TSEN15: variants seen among roughly 807,000 people sequenced by gnomAD.
TSEN15 encodes tRNA splicing endonuclease subunit 15, also known as tRNA-splicing endonuclease subunit Sen15.
In TSEN15, 10 loss-of-function variants were observed where a neutral mutation model predicts 20.5. The observed-to-expected ratio is 0.49, with a 90% CI of 0.30 to 0.83. The LOEUF is 0.83. Ranked by LOEUF, TSEN15 falls within the 40% of genes least tolerant of loss-of-function variation. The probability of loss-of-function intolerance (pLI) is 0.06; values close to 1 mark genes in which losing one functional copy is unlikely to be tolerated. For missense variants in TSEN15, 180 were observed against 218.6 expected (o/e 0.82, Z 1.11); for synonymous variants, 72 against 80.1 (o/e 0.90, Z 0.54).
chr1:184,090,889 T>C (rs1158068782), intron 3 of TSEN15, among the ~76,000 whole-genome samples: 1 of 152,158 alleles, frequency 6.6e-6, no homozygotes, highest in East Asian at 1.9e-4. Flanking sequence ...CTTGCTTTTC[T>C]TTTCTTGACC....
chr1:184,090,126 ATAC>A (rs1387798763), intron 3 of TSEN15, among the ~76,000 whole-genome samples: 1 of 152,240 alleles, frequency 6.6e-6, no homozygotes, highest in Non-Finnish European at 1.5e-5. Context: ...TTACAATGGG[ATAC>A]TACTCAGCAA....
chr1:184,064,541 A>G (rs555335228), intron 3 of TSEN15, among the ~76,000 whole-genome samples: 1 of 152,176 alleles, frequency 6.6e-6, no homozygotes, highest in Non-Finnish European at 1.5e-5. Context: ...TAGAAAAAAT[A>G]TGAAAAAACA....
intron 1 of TSEN15, among the ~76,000 whole-genome samples, 187 bp downstream of exon 1, chr1:184,052,077 A>G (rs1306735330): frequency 1.3e-5 from 2 of 152,182 alleles, no homozygotes; most frequent in African/African-American, 2.4e-5. Context: ...AACAAGTTGC[A>G]CTATCTCAAT....
chr1:184,066,257 CT>C lies in TSEN15; in HGVS notation c.354-5889del, dbSNP rs564595361. On this transcript the variant is annotated intron_variant, in intron 3 of 4. Coordinates refer to ENST00000645668, the MANE Select transcript of TSEN15 (RefSeq NM_052965.4). Reference sequence around the variant, plus strand: ...GATGTTTATTTCTTCATCAAATTGCCTTTTTTTTTTTGGTCAAAGATCAATT... The same window carrying C: ...GATGTTTATTTCTTCATCAAATTGCCTTTTTTTTTTGGTCAAAGATCAATT... Among the ~76,000 whole-genome samples the C allele has an allele frequency of 4.7e-3, 667 of 140,764 alleles. 3 individuals are homozygous for C. The highest frequency in any genetic ancestry group is 8.4e-3 in the African/African-American group (325 of 38,780). The allele number at this position is 140,764 out of a possible 152,430, so 92.3% of individuals were successfully genotyped here. A position where few individuals can be genotyped will look rare whatever the true frequency, so the allele number is the denominator to read the frequency against.
At chr1:184,076,928 A>G (rs1455960887), downstream of TSEN15, among the ~76,000 whole-genome samples, 3 of 152,218 alleles carry the variant, frequency 2.0e-5, no homozygotes, top group Non-Finnish European at 4.4e-5. Context: ...TAAGGAAAGA[A>G]GCTGTCTTCA....
At chr1:184,065,051 T>C (rs1055958172) in intron 3 of TSEN15, among the ~76,000 whole-genome samples, 12 of 152,308 alleles carry the variant, frequency 7.9e-5, no homozygotes, top group African/African-American at 2.6e-4. Flanking sequence ...GCATCTCAAA[T>C]TAGCATGTCC....
rs776056316 is a variant in TSEN15, at chr1:184,073,215, C to G, written c.*368C>G. ...CAGCTCATTGTTGAGACTGCCATTTCTTTCTCTTACTCAGCTCTCCCCAGT... is the reference window on the plus strand; with the variant it reads ...CAGCTCATTGTTGAGACTGCCATTTGTTTCTCTTACTCAGCTCTCCCCAGT... On this transcript the variant is annotated 3_prime_UTR_variant, in exon 5 of 5. Transcript: ENST00000645668. The G allele has an allele frequency of 5.2e-6, 1 of 193,320 alleles. No homozygotes were observed. The highest frequency in any genetic ancestry group is 1.4e-4 in the East Asian group (1 of 7,364). 12.0% of individuals were successfully genotyped at this position (193,320 alleles called of 1,614,324 possible). A position where few individuals can be genotyped will look rare whatever the true frequency, so the allele number is the denominator to read the frequency against.
chr1:184,095,458 C>T (rs1350171045), intron 3 of TSEN15: 3 of 383,906 alleles, frequency 7.8e-6, no homozygotes, highest in Non-Finnish European at 1.4e-5. Flanking sequence ...CTAAATTCCC[C>T]AATTCACACA....
At chr1:184,066,366 C>A (rs1245278863) in intron 3 of TSEN15, among the ~76,000 whole-genome samples, 1 of 151,454 alleles carries the variant, frequency 6.6e-6, no homozygotes, top group East Asian at 1.9e-4. Context: ...ACCACATGAT[C>A]TTGATTACTA....
chr1:184,055,270 A>G (rs1159084814), intron 3 of TSEN15, among the ~76,000 whole-genome samples: 1 of 152,126 alleles, frequency 6.6e-6, no homozygotes, highest in Non-Finnish European at 1.5e-5. Flanking sequence ...ACACTTTTAA[A>G]TGACCAGATC....
At chr1:184,082,758 C>T (rs1005608270) in intron 3 of TSEN15, among the ~76,000 whole-genome samples, 9 of 152,072 alleles carry the variant, frequency 5.9e-5, no homozygotes, top group African/African-American at 2.2e-4. Flanking sequence ...CCGACCATTT[C>T]CAGATCAATT....
chr1:184,058,026 C>G (rs1650309770), intron 3 of TSEN15: 5 of 308,834 alleles, frequency 1.6e-5, no homozygotes, highest in South Asian at 1.5e-4. Context: ...GGACAAGGAG[C>G]TACTATTTGA....
chr1:184,072,339 G>A (rs1377523312), intron 4 of TSEN15, 41 bp downstream of exon 4: 6 of 1,561,018 alleles, frequency 3.8e-6, no homozygotes, highest in Admixed American at 1.9e-5. Context: ...TACAAAAAGA[G>A]GAAAATTATG....
intron 1 of TSEN15, among the ~76,000 whole-genome samples, chr1:184,052,957 A>G (rs1042585768): frequency 6.6e-6 from 1 of 152,188 alleles, no homozygotes; most frequent in Non-Finnish European, 1.5e-5. Flanking sequence ...TGGGGATATT[A>G]ATAGTCCATA....
At chr1:184,052,369 C>A (rs1208776159) in intron 1 of TSEN15, among the ~76,000 whole-genome samples, 2 of 152,172 alleles carry the variant, frequency 1.3e-5, no homozygotes, top group South Asian at 2.1e-4. Context: ...CCTAATATTT[C>A]AGATTTCTTC....
chr1:184,095,269 C>T (rs1411366427), intron 3 of TSEN15: 2 of 395,894 alleles, frequency 5.1e-6, no homozygotes, highest in Non-Finnish European at 8.9e-6. Context: ...TCCATAACTC[C>T]ACTTCTCTTC....
rs1281671666 is a variant in TSEN15 at position 184,073,684 on chromosome 1, A to G, written c.*837A>G. The G allele has an allele frequency of 6.6e-6, 1 of 152,634 alleles. No individual in the cohort carries two copies. The highest frequency in any genetic ancestry group is 1.5e-5 in the Non-Finnish European group (1 of 68,036). 9.5% of individuals were successfully genotyped at this position (152,634 alleles called of 1,614,324 possible). On this transcript the variant is annotated 3_prime_UTR_variant, in exon 5 of 5. Coordinates refer to ENST00000645668, the MANE Select transcript of TSEN15 (RefSeq NM_052965.4). ...CAAGTGACATTACTTTTAGTAGCCCAAATTATAAACCACTTTAAAGTTTGG... is the reference window on the plus strand; with the variant it reads ...CAAGTGACATTACTTTTAGTAGCCCGAATTATAAACCACTTTAAAGTTTGG...
intron 3 of TSEN15, among the ~76,000 whole-genome samples, chr1:184,060,267 T>C (rs1650403591): frequency 6.6e-6 from 1 of 152,242 alleles, no homozygotes; most frequent in Non-Finnish European, 1.5e-5. Context: ...AGAGAGTCTC[T>C]GAACAGTTTA....
At chr1:184,062,061 G>C (rs1199399998) in intron 3 of TSEN15, among the ~76,000 whole-genome samples, 1 of 152,044 alleles carries the variant, frequency 6.6e-6, no homozygotes, top group East Asian at 1.9e-4. Flanking sequence ...GTTATTTCCT[G>C]ATCTGTAATG....
Sources: allele counts gnomAD v4.1 joint callset (sites outside exome capture counted in the v4.1 genomes callset), GRCh38; gene constraint gnomAD v4.1.1; transcripts MANE v1.5; gene names NCBI Gene and HGNC (gene_info 2026-07-23, HGNC 2026-07-21).